MRPL20: variants seen among roughly 807,000 people sequenced by gnomAD.
MRPL20 encodes mitochondrial ribosomal protein L20.
Under a neutral mutation model 20.0 loss-of-function variants are expected in MRPL20, and 21 were observed. The observed-to-expected ratio is 1.05, with a 90% CI of 0.74 to 1.51. MRPL20 has a LOEUF of 1.51. MRPL20 is among the 40% of genes most tolerant of loss of function. MRPL20 has a pLI of 0.00. For synonymous variants in MRPL20, 104 were observed against 73.0 expected (o/e 1.43, Z -2.17); for missense variants, 252 against 185.6 (o/e 1.36, Z -2.08).
chr1:1,405,947 G>A (rs1056615605), intron 2 of MRPL20, 61 bp from the exon 3 acceptor site: 11 of 1,560,628 alleles, frequency 7.0e-6, no homozygotes, highest in East Asian at 2.3e-5. Flanking sequence ...TCCCAGCAAA[G>A]CCTCTAATTG....
chr1:1,402,404 C>G, intron 3 of MRPL20, 148 bp from the exon 4 acceptor site: 12 of 1,396,776 alleles, frequency 8.6e-6, no homozygotes, highest in Non-Finnish European at 1.0e-5. Flanking sequence ...GGTGGCACAG[C>G]AGAGGACTTC....
intron 3 of MRPL20, among the ~76,000 whole-genome samples, chr1:1,403,375 C>G (rs1416447117): frequency 6.6e-6 from 1 of 151,876 alleles, no homozygotes; most frequent in Admixed American, 6.6e-5. Context: ...TCACAAGTAG[C>G]TGGGACTACA....
At chr1:1,402,581 T>C in intron 3 of MRPL20, 1 of 1,069,502 alleles carries the variant, frequency 9.4e-7, no homozygotes, top group East Asian at 6.6e-5. Context: ...AGGGTAACCC[T>C]TTAAGCCAAC....
chr1:1,406,116 G>A, intron 2 of MRPL20: 1 of 511,744 alleles, frequency 2.0e-6, no homozygotes, highest in East Asian at 3.7e-5. Context: ...AGCACTTTGG[G>A]AGGGCAAGGC....
At chr1:1,405,926 T>A (rs760249152) in intron 2 of MRPL20, 40 bp from the exon 3 acceptor site, 4 of 1,589,130 alleles carry the variant, frequency 2.5e-6, no homozygotes, top group Non-Finnish European at 3.4e-6. Flanking sequence ...AAATGACTTC[T>A]GGATGTTATG....
intron 3 of MRPL20, among the ~76,000 whole-genome samples, chr1:1,404,085 CGCCTCT>C (rs928913237): frequency 1.3e-4 from 19 of 151,962 alleles, no homozygotes; most frequent in East Asian, 3.9e-4. Context: ...GTGATCAGCC[CGCCTCT>C]GCCTCTGCCT....
At chr1:1,403,620 T>C (rs1009953792) in intron 3 of MRPL20, among the ~76,000 whole-genome samples, 2 of 151,988 alleles carry the variant, frequency 1.3e-5, no homozygotes, top group African/African-American at 2.4e-5. Context: ...CTGAAGATCT[T>C]TGTAAAGCAC....
Position 1,402,209 on chromosome 1 carries a change from G to A in MRPL20, c.324C>T (p.Tyr108=), listed in dbSNP as rs147976981. The change falls in exon 4 of 4, where the codon TAC becomes TAT. Residue 108 remains tyrosine (Y), a synonymous_variant. Coordinates refer to ENST00000344843, the MANE Select transcript of MRPL20 (RefSeq NM_017971.4). ...CCAAAGATTTGAAAGTCTTTGGCTC[G>A]TAGATGGCCAGATCCGCTAGGACTT... ...NRKVLADLAI[Y]EPKTFKSLAA... 80 of 1,613,850 alleles carry A rather than the reference G, an allele frequency of 5.0e-5. No individual in the cohort carries two copies. Among genetic ancestry groups the A allele is most frequent in the Middle Eastern group, 3.3e-4 (2 of 6,084 alleles).
intron 3 of MRPL20, among the ~76,000 whole-genome samples, chr1:1,403,191 G>A (rs1466168974): frequency 1.3e-5 from 2 of 151,564 alleles, no homozygotes; most frequent in African/African-American, 4.9e-5. Context: ...TACTACCTGT[G>A]ACCTAACTGT....
intron 2 of MRPL20, 180 bp from the exon 3 acceptor site, chr1:1,406,066 A>G (rs1487595033): frequency 1.1e-6 from 1 of 902,384 alleles, no homozygotes; most frequent in Non-Finnish European, 1.6e-6. Context: ...TAAAAACAGC[A>G]AAAACCCAGC....
At chr1:1,402,619 G>A (rs1170747988) in intron 3 of MRPL20, 1 of 1,018,534 alleles carries the variant, frequency 9.8e-7, no homozygotes, top group East Asian at 9.2e-5. Context: ...AACCACAGAG[G>A]ATTTCAGAAG....
At position 1,405,796 on chromosome 1, in the gene MRPL20, TACTC is replaced by T. The variant is rs749995854; in HGVS notation, c.276+9_276+12del. The stretch of plus-strand genomic sequence containing the variant: ...GTCCAGAATTTCAGTGGGACCCACA[TACTC>T]ACCCATACCTTAACTAAATTCCCAA... On this transcript the variant is annotated intron_variant, in intron 3 of 3. Transcript: ENST00000344843. 34 of 1,614,030 alleles carry T rather than the reference TACTC, an allele frequency of 2.1e-5. No individual in the cohort carries two copies. The highest frequency in any genetic ancestry group is 2.9e-5 in the Non-Finnish European group (34 of 1,180,030).
chr1:1,404,446 G>A (rs1027548883), intron 3 of MRPL20, among the ~76,000 whole-genome samples: 6 of 151,462 alleles, frequency 4.0e-5, no homozygotes, highest in East Asian at 2.0e-4. Flanking sequence ...GAGCCACCGC[G>A]CCTGGCCTGT....
intron 2 of MRPL20, chr1:1,406,176 C>T (rs2100398606): frequency 3.0e-6 from 1 of 332,130 alleles, no homozygotes; most frequent in Non-Finnish European, 5.6e-6. Context: ...ACCAACATGG[C>T]GGAACCCGGT....
Position 1,405,300 on chromosome 1 carries a change from G to A in MRPL20, c.276+509C>T, listed in dbSNP as rs574838658. On this transcript the variant is annotated intron_variant, in intron 3 of 3. Coordinates refer to ENST00000344843, the MANE Select transcript of MRPL20 (RefSeq NM_017971.4). ...ATGGCTTTCTTTATTCTGTCAGACG[G>A]GGTCCTGCTCTCACCTAGGCTAGAG... is the stretch of plus-strand genomic sequence containing the variant. 12 of 256,712 alleles carry A rather than the reference G, an allele frequency of 4.7e-5. No homozygotes were observed. In the Admixed American group the frequency reaches 5.1e-4, roughly 11 times the overall value. 15.9% of individuals were successfully genotyped at this position (256,712 alleles called of 1,614,324 possible).
rs755872449 is a variant in MRPL20, at chr1:1,407,185, C to G, written c.33G>C (p.Arg11=). The G allele has an allele frequency of 2.5e-6, 4 of 1,606,756 alleles. No homozygotes were observed. In the Admixed American group the frequency reaches 5.1e-5, roughly 20 times the overall value. MVFLTAQLWL[R]NRVTDRYFRI... Reference sequence around the variant, plus strand: ...GAAAGTAGCGGTCGGTGACGCGATTCCGCAGCCAGAGCTGCGCGGTGAGGA... The same window carrying G: ...GAAAGTAGCGGTCGGTGACGCGATTGCGCAGCCAGAGCTGCGCGGTGAGGA... Residue 11 remains arginine, a synonymous_variant, in exon 1 of 4, where the codon CGG becomes CGC. Coordinates refer to ENST00000344843, the MANE Select transcript of MRPL20 (RefSeq NM_017971.4).
rs762501590 is a variant in MRPL20, at chr1:1,406,972, G to A, written c.135C>T (p.Thr45=). ...KNRCYRLAVR[T]VIRAFVKCTK... ...TGCATTTCACAAAGGCTCGAATCACGGTTCTGACCGCCAACCTGTAGCAGC... is the reference window on the plus strand; with the variant it reads ...TGCATTTCACAAAGGCTCGAATCACAGTTCTGACCGCCAACCTGTAGCAGC... Residue 45 remains threonine (T), a synonymous_variant, in exon 2 of 4, where the codon ACC becomes ACT. Coordinates refer to ENST00000344843, the MANE Select transcript of MRPL20 (RefSeq NM_017971.4). The A allele has an allele frequency of 6.2e-7, 1 of 1,613,850 alleles. No homozygotes were observed. Among genetic ancestry groups the A allele is most frequent in the Non-Finnish European group, 8.5e-7 (1 of 1,179,792 alleles).
At chr1:1,405,709 C>T (rs1645376668) in intron 3 of MRPL20, 100 bp downstream of exon 3, 1 of 1,599,496 alleles carries the variant, frequency 6.3e-7, no homozygotes, top group Middle Eastern at 1.7e-4. Context: ...CTGGCCTCAG[C>T]CTCCTGATTA....
chr1:1,406,667 G>T, intron 2 of MRPL20: 1 of 547,218 alleles, frequency 1.8e-6, no homozygotes, highest in East Asian at 3.2e-5. Context: ...GTGTCAAGGC[G>T]GCTCTGCAGT....
Sources: gnomAD v4.1 joint callset for allele counts (sites outside exome capture counted in the v4.1 genomes callset) on GRCh38, gnomAD v4.1.1 for gene constraint, MANE v1.5 for transcripts, NCBI Gene and HGNC (gene_info 2026-07-23, HGNC 2026-07-21) for gene names.